The following DPYS variants were observed in gnomAD, a reference collection of about 807,000 sequenced individuals.
DPYS encodes dihydropyrimidinase.
Under a neutral mutation model 50.3 loss-of-function variants are expected in DPYS, and 39 were observed. That is an observed-to-expected ratio of 0.78 (90% CI 0.60 to 1.01). DPYS has a LOEUF of 1.01. Ranked by LOEUF, DPYS falls within the 50% of genes least tolerant of loss-of-function variation. The pLI, the probability that DPYS is intolerant of heterozygous loss-of-function variation, is 0.00. For missense variants in DPYS, 659 were observed against 680.9 expected, an observed-to-expected ratio of 0.97 and a Z score of 0.36; for synonymous variants, 245 against 250.7, an observed-to-expected ratio of 0.98 and a Z score of 0.22.
chr8:104,382,531 G>C (rs1811088810), intron 8 of DPYS, among the ~76,000 whole-genome samples: 1 of 145,884 alleles, frequency 6.9e-6, no homozygotes, highest in Non-Finnish European at 1.5e-5. Context: ...TCAGGTCCTT[G>C]GTCCCTGTTT....
chr8:104,448,127 T>A (rs996418412), intron 2 of DPYS, among the ~76,000 whole-genome samples: 1 of 151,824 alleles, frequency 6.6e-6, no homozygotes, highest in Non-Finnish European at 1.5e-5. Flanking sequence ...CAGGGGCAAG[T>A]TAGTATCAAA....
chr8:104,460,568 A>G (rs1814090734), intron 1 of DPYS, among the ~76,000 whole-genome samples: 1 of 152,214 alleles, frequency 6.6e-6, no homozygotes, highest in South Asian at 2.1e-4. Context: ...ACAGACTAAT[A>G]GAGACATTGA....
rs984550699 is a variant in DPYS at position 104,424,908 on chromosome 8, C to T, written c.1093-519G>A. On this transcript the variant is annotated intron_variant, in intron 6 of 9. Transcript: ENST00000351513. ...GTGGTGCGATCTTGGCTCACTGCAA[C>T]CTCCATCTCCCAGGTTCAAGCGATT... Among the ~76,000 whole-genome samples the T allele has an allele frequency of 3.3e-5, 5 of 150,448 alleles. No individual in the cohort carries two copies. In the East Asian group the frequency reaches 7.9e-4, roughly 24 times the overall value.
Position 104,408,311 on chromosome 8 carries a change from G to A in DPYS, c.1236-15320C>T, listed in dbSNP as rs187878573. Among the ~76,000 whole-genome samples the A allele has an allele frequency of 2.0e-3, 310 of 152,224 alleles. 1 individual carries two copies. The highest frequency in any genetic ancestry group is 5.6e-3 in the African/African-American group (231 of 41,546). On this transcript the variant is annotated intron_variant, in intron 7 of 9. Transcript: ENST00000351513. ...CAAAAAAGCCTTAGGGATTTTGCAA[G>A]AAATGTGACAGACCATTTAAATAAA... is the stretch of plus-strand genomic sequence containing the variant.
chr8:104,429,265 C>T, intron 5 of DPYS: 1 of 456,696 alleles, frequency 2.2e-6, no homozygotes, highest in Non-Finnish European at 4.0e-6. Context: ...TAATGAAGAG[C>T]CCTGGGTTTG....
chr8:104,395,318 T>C (rs1811540830), intron 7 of DPYS, among the ~76,000 whole-genome samples: 1 of 152,228 alleles, frequency 6.6e-6, no homozygotes, highest in South Asian at 2.1e-4. Context: ...GATCTTTTTA[T>C]ATTTTTTAAA....
intron 4 of DPYS, among the ~76,000 whole-genome samples, chr8:104,436,403 A>G (rs1813147822): frequency 6.6e-6 from 1 of 152,226 alleles, no homozygotes; most frequent in Non-Finnish European, 1.5e-5. Flanking sequence ...TGAGGTCAGG[A>G]GTTCAAGACC....
At chr8:104,442,150 G>C (rs1285325216) in intron 4 of DPYS, among the ~76,000 whole-genome samples, 1 of 152,040 alleles carries the variant, frequency 6.6e-6, no homozygotes, top group Non-Finnish European at 1.5e-5. Flanking sequence ...TGACTCTTGG[G>C]CCATGTAAAT....
chr8:104,385,199 C>T (rs1385634962), intron 8 of DPYS, among the ~76,000 whole-genome samples: 2 of 152,162 alleles, frequency 1.3e-5, no homozygotes, highest in African/African-American at 4.8e-5. Flanking sequence ...CAGTTTGAAA[C>T]AAGTAGAATA....
At chr8:104,423,287 G>C (rs1378794952) in intron 7 of DPYS, among the ~76,000 whole-genome samples, 2 of 152,094 alleles carry the variant, frequency 1.3e-5, no homozygotes, top group East Asian at 1.9e-4. Context: ...GGGAACAGTG[G>C]GTGCCCAGAG....
chr8:104,390,892 C>A (rs1333919875), intron 8 of DPYS, among the ~76,000 whole-genome samples: 1 of 152,132 alleles, frequency 6.6e-6, no homozygotes, highest in Non-Finnish European at 1.5e-5. Flanking sequence ...ATTCAGTAAG[C>A]ACTCACTAAA....
intron 6 of DPYS, among the ~76,000 whole-genome samples, chr8:104,426,754 T>C (rs1246022955): frequency 1.3e-5 from 2 of 152,250 alleles, no homozygotes; most frequent in Non-Finnish European, 2.9e-5. Flanking sequence ...CTGGACAAGT[T>C]AACACATAGA....
chr8:104,457,190 G>A (rs1813954721), intron 1 of DPYS, among the ~76,000 whole-genome samples: 1 of 152,150 alleles, frequency 6.6e-6, no homozygotes. Context: ...AGTAAAATAA[G>A]GGTGACTTGT....
chr8:104,455,166 C>A (rs925717279), intron 1 of DPYS, among the ~76,000 whole-genome samples: 1 of 152,136 alleles, frequency 6.6e-6, no homozygotes, highest in Non-Finnish European at 1.5e-5. Flanking sequence ...TAATACAGAA[C>A]CGTCAATAAC....
chr8:104,405,180 T>C (rs1365184654), intron 7 of DPYS, among the ~76,000 whole-genome samples: 3 of 152,242 alleles, frequency 2.0e-5, no homozygotes, highest in African/African-American at 7.2e-5. Flanking sequence ...AGCATCTCTG[T>C]ATTCCGAGTA....
intron 7 of DPYS, chr8:104,420,444 G>T (rs116237923): frequency 6.6e-6 from 1 of 151,964 alleles, no homozygotes; most frequent in Non-Finnish European, 1.5e-5. Flanking sequence ...CAACAAACAC[G>T]CTTTCTCCTT....
rs960997807 is a variant in DPYS, at chr8:104,466,642, C to T, written c.264+15G>A. The T allele has an allele frequency of 1.1e-4, 172 of 1,504,238 alleles. No homozygotes were observed. Among genetic ancestry groups the T allele is most frequent in the Non-Finnish European group, 1.5e-4 (164 of 1,127,504 alleles). 93.2% of individuals were successfully genotyped at this position (1,504,238 alleles called of 1,614,324 possible). ...CCGTGGGTACCGCGGGGCGGGGGCGCGGCGGGGCGGGTACCTTGGTGCCCT... is the reference window on the plus strand; with the variant it reads ...CCGTGGGTACCGCGGGGCGGGGGCGTGGCGGGGCGGGTACCTTGGTGCCCT... On this transcript the variant is annotated intron_variant, in intron 1 of 9. Transcript: ENST00000351513.
intron 3 of DPYS, among the ~76,000 whole-genome samples, chr8:104,445,774 G>A (rs761399200): frequency 6.6e-6 from 1 of 152,160 alleles, no homozygotes; most frequent in Non-Finnish European, 1.5e-5. Flanking sequence ...GGCCGGGCGC[G>A]GTGGCTCACG....
intron 6 of DPYS, among the ~76,000 whole-genome samples, chr8:104,424,627 C>G (rs1364624741): frequency 6.6e-6 from 1 of 152,170 alleles, no homozygotes; most frequent in South Asian, 2.1e-4. Flanking sequence ...AGCATCCACA[C>G]TAATTCTTCC....
Sources: gnomAD v4.1 joint callset for allele counts (sites outside exome capture counted in the v4.1 genomes callset) on GRCh38, gnomAD v4.1.1 for gene constraint, MANE v1.5 for transcripts, NCBI Gene and HGNC (gene_info 2026-07-23, HGNC 2026-07-21) for gene names.